The following ZNF331 variants were observed in gnomAD, a reference collection of about 807,000 sequenced individuals.
The protein encoded by ZNF331 is zinc finger protein 331.
Under a neutral mutation model 7.0 loss-of-function variants are expected in ZNF331, and 2 were observed. That is an observed-to-expected ratio of 0.29 (90% CI 0.12 to 0.90). ZNF331 has a LOEUF of 0.90. Among genes scored for constraint, ZNF331 ranks in the 40% least tolerant of loss-of-function variants. ZNF331 has a pLI of 0.58. For synonymous variants in ZNF331, 196 were observed against 205.4 expected, an observed-to-expected ratio of 0.95 and a Z score of 0.39; for missense variants, 432 against 587.7, an observed-to-expected ratio of 0.74 and a Z score of 2.74.
Position 53,575,240 on chromosome 19 carries a change from A to G in ZNF331, c.137-1457A>G, listed in dbSNP as rs138259909. ...AGGCGTGAGCCACTGCACCTAGCCA[A>G]TTGCCAGTTTTTATAATAAAGGTCT... On this transcript the variant is annotated intron_variant, in intron 5 of 5. Coordinates refer to ENST00000449416, the MANE Select transcript of ZNF331 (RefSeq NM_001079906.2). 3.7e-3 allele frequency among the ~76,000 whole-genome samples: 560 copies of G among 151,916 alleles called. 6 individuals are homozygous for G. The highest frequency in any genetic ancestry group is 0.013 in the African/African-American group (535 of 41,454).
upstream of ZNF331, among the ~76,000 whole-genome samples, chr19:53,533,786 C>T (rs565445157): frequency 2.6e-5 from 4 of 152,132 alleles, no homozygotes; most frequent in South Asian, 8.3e-4. Flanking sequence ...TCTATTTTGT[C>T]TGATATACGT....
the ZNF331 span, among the ~76,000 whole-genome samples, chr19:53,506,484 C>T: frequency 2.3e-5 from 3 of 132,948 alleles, no homozygotes; most frequent in African/African-American, 5.7e-5. Context: ...CTCTCTCTGT[C>T]TGTCTCTCTC....
intron 2 of ZNF331, among the ~76,000 whole-genome samples, chr19:53,522,877 G>T (rs73049552): frequency 0.082 from 12,529 of 152,156 alleles, 594 homozygotes; most frequent in Non-Finnish European, 0.11. Context: ...TCTAAAAATT[G>T]TCTAAGAATC....
chr19:53,542,626 T>A (rs1165485743), intron 2 of ZNF331, among the ~76,000 whole-genome samples: 2 of 152,258 alleles, frequency 1.3e-5, no homozygotes, highest in African/African-American at 4.8e-5. Flanking sequence ...GATTTTCTTA[T>A]GCAGAACAAT....
chr19:53,551,653 GA>G (rs1423176007), intron 2 of ZNF331, among the ~76,000 whole-genome samples: 1 of 151,566 alleles, frequency 6.6e-6, no homozygotes, highest in South Asian at 2.1e-4. Flanking sequence ...ATATCCTTGG[GA>G]AAAAAAATAG....
chr19:53,568,036 G>A (rs1283530572), intron 3 of ZNF331, among the ~76,000 whole-genome samples: 1 of 152,006 alleles, frequency 6.6e-6, no homozygotes, highest in African/African-American at 2.4e-5. Context: ...AGATCACGAG[G>A]TCGGGAGTTT....
chr19:53,503,857 T>A, the ZNF331 span: 14 of 690,632 alleles, frequency 2.0e-5, 1 homozygote, highest in Non-Finnish European at 3.7e-5. Flanking sequence ...GCAACAAAAA[T>A]ACCACAAAGA....
At chr19:53,544,181 C>G (rs931125399) in intron 2 of ZNF331, among the ~76,000 whole-genome samples, 5 of 149,012 alleles carry the variant, frequency 3.4e-5, no homozygotes, top group African/African-American at 1.2e-4. Flanking sequence ...GAGTTGAGAT[C>G]ACGCCACTGC....
chr19:53,566,048 A>G (rs2090138942), intron 3 of ZNF331, among the ~76,000 whole-genome samples: 1 of 152,130 alleles, frequency 6.6e-6, no homozygotes, highest in South Asian at 2.1e-4. Flanking sequence ...GATGGACTCA[A>G]CAGGACTCAC....
At position 53,525,128 on chromosome 19, in the gene ZNF331, C is replaced by G. The variant is rs561713593; in HGVS notation, c.-205+2444C>G. On this transcript the variant is annotated intron_variant, in intron 2 of 6. Coordinates refer to the ZNF331 transcript ENST00000253144. ...TGTTCTGTTCCATTGGTCTATATCT[C>G]TGTTTTGGTACCATTACCATGCTGT... Among the ~76,000 whole-genome samples the G allele has an allele frequency of 3.3e-5, 5 of 152,226 alleles. No homozygotes were observed. In the South Asian group the frequency reaches 1.0e-3, roughly 32 times the overall value.
chr19:53,557,188 G>A (rs1165011077), intron 3 of ZNF331, among the ~76,000 whole-genome samples: 1 of 151,854 alleles, frequency 6.6e-6, no homozygotes, highest in East Asian at 1.9e-4. Flanking sequence ...AAACTCCTGA[G>A]CTCAAGCAAT....
At chr19:53,533,464 T>C (rs1600230846), upstream of ZNF331, among the ~76,000 whole-genome samples, 1 of 152,224 alleles carries the variant, frequency 6.6e-6, no homozygotes, top group Admixed American at 6.5e-5. Flanking sequence ...TGTATTCTGC[T>C]GCTGTTGGGA....
chr19:53,559,335 CACACACATATACACACCAT>C (rs1485417660), intron 3 of ZNF331, among the ~76,000 whole-genome samples: 3 of 148,590 alleles, frequency 2.0e-5, no homozygotes, highest in African/African-American at 7.6e-5. Flanking sequence ...CATATAGAGA[CACACACATATACACACCAT>C]ACACACATAT....
intron 2 of ZNF331, among the ~76,000 whole-genome samples, chr19:53,525,399 A>G (rs1189404018): frequency 6.6e-6 from 1 of 152,192 alleles, no homozygotes; most frequent in Non-Finnish European, 1.5e-5. Flanking sequence ...GTCCATGATC[A>G]TGGAATTCCA....
chr19:53,527,435 C>T (rs1045521598), intron 2 of ZNF331, among the ~76,000 whole-genome samples: 1 of 152,042 alleles, frequency 6.6e-6, no homozygotes, highest in African/African-American at 2.4e-5. Context: ...AATCAGCTAA[C>T]CTTAAGATAG....
At chr19:53,569,406 C>T in intron 4 of ZNF331, 21 bp downstream of exon 4, 4 of 1,613,526 alleles carry the variant, frequency 2.5e-6, no homozygotes, top group Non-Finnish European at 3.4e-6. Flanking sequence ...ATTTCTCTTT[C>T]CTTCTTGAGC....
intron 3 of ZNF331, among the ~76,000 whole-genome samples, chr19:53,559,668 CAT>C (rs1451447403): frequency 4.0e-5 from 6 of 150,492 alleles, no homozygotes; most frequent in Admixed American, 4.0e-4. Context: ...TATATACACA[CAT>C]ATAAAAACCA....
chr19:53,537,619 A>AT (rs1334591785), upstream of ZNF331: 13 of 152,240 alleles, frequency 8.5e-5, no homozygotes, highest in African/African-American at 3.1e-4. Context: ...CCCGGACTAC[A>AT]TTTCCCAGAG....
In ZNF331 at chr19:53,578,064, A is replaced by G. The variant is rs1322925309; in HGVS notation, c.*112A>G. ...ATTAAATGGAAAATTCCAGAAATAA[A>G]GAATTTTAAGTCTCAAATGGTGTGC... On this transcript the variant is annotated 3_prime_UTR_variant, in exon 6 of 6. Coordinates refer to ENST00000449416, the MANE Select transcript of ZNF331 (RefSeq NM_001079906.2). The G allele has an allele frequency of 1.5e-6, 2 of 1,296,192 alleles. No homozygotes were observed. Among genetic ancestry groups the G allele is most frequent in the Non-Finnish European group, 2.1e-6 (2 of 967,028 alleles). The allele number at this position is 1,296,192 out of a possible 1,614,324, so 80.3% of individuals were successfully genotyped here.
Sources: allele counts gnomAD v4.1 joint callset (sites outside exome capture counted in the v4.1 genomes callset), GRCh38; gene constraint gnomAD v4.1.1; transcripts MANE v1.5; gene names NCBI Gene and HGNC (gene_info 2026-07-23, HGNC 2026-07-21).